The following COMMD10 variants were observed in gnomAD, a reference collection of about 807,000 sequenced individuals.
COMMD10 encodes the protein COMM domain-containing protein 10.
COMMD10 carries 33 observed loss-of-function variants against 28.9 expected under a neutral mutation model. The observed-to-expected ratio is 1.14, with a 90% CI of 0.87 to 1.53. The LOEUF is 1.53. COMMD10 is among the 40% of genes most tolerant of loss of function. The pLI is 0.00. For missense variants in COMMD10, 310 were observed against 233.4 expected (o/e 1.33, Z -2.14); for synonymous variants, 110 against 81.7 (o/e 1.35, Z -1.87).
chr5:116,244,578 TC>T (rs1749891172), intron 5 of COMMD10, among the ~76,000 whole-genome samples: 1 of 147,902 alleles, frequency 6.8e-6, no homozygotes, highest in Admixed American at 6.9e-5. Flanking sequence ...AGGAGAAGTT[TC>T]CCCGGCTGAA....
At chr5:116,166,520 G>C (rs952007375) in intron 5 of COMMD10, among the ~76,000 whole-genome samples, 2 of 152,186 alleles carry the variant, frequency 1.3e-5, no homozygotes, top group East Asian at 1.9e-4. Flanking sequence ...CCTCAAGTGG[G>C]TCCCCGGCCC....
intron 5 of COMMD10, among the ~76,000 whole-genome samples, chr5:116,243,650 A>C (rs1318181759): frequency 6.6e-6 from 1 of 152,156 alleles, no homozygotes; most frequent in East Asian, 1.9e-4. Flanking sequence ...TAAATTTATT[A>C]ACAAGATATC....
At chr5:116,263,863 AC>A (rs969965857) in intron 5 of COMMD10, among the ~76,000 whole-genome samples, 14 of 151,588 alleles carry the variant, frequency 9.2e-5, no homozygotes, top group African/African-American at 3.4e-4. Context: ...ACCAAAATGT[AC>A]CCCGACCACC....
chr5:116,128,431 A>T (rs1751734424), intron 4 of COMMD10, among the ~76,000 whole-genome samples: 1 of 152,076 alleles, frequency 6.6e-6, no homozygotes, highest in African/African-American at 2.4e-5. Flanking sequence ...CCTCAGATTT[A>T]AATTTGAATA....
intron 4 of COMMD10, among the ~76,000 whole-genome samples, chr5:116,117,878 C>T (rs561888870): frequency 5.4e-4 from 82 of 152,250 alleles, no homozygotes; most frequent in African/African-American, 1.9e-3. Context: ...TATTTCCCAA[C>T]CATTACTAGA....
At chr5:116,255,502 A>G (rs969188085) in intron 5 of COMMD10, among the ~76,000 whole-genome samples, 2 of 151,586 alleles carry the variant, frequency 1.3e-5, no homozygotes, top group Non-Finnish European at 2.9e-5. Context: ...TGGTGGTGAC[A>G]AAATCTCTCA....
chr5:116,116,835 C>T (rs1473848924), intron 4 of COMMD10, among the ~76,000 whole-genome samples: 1 of 152,068 alleles, frequency 6.6e-6, no homozygotes, highest in Admixed American at 6.6e-5. Context: ...TCTCCTGCCT[C>T]AGCCTCCCAA....
chr5:116,199,047 G>C (rs1483513912), intron 5 of COMMD10, among the ~76,000 whole-genome samples: 2 of 152,222 alleles, frequency 1.3e-5, no homozygotes, highest in African/African-American at 2.4e-5. Context: ...GTCTTTCATG[G>C]TGGTTGTATC....
At chr5:116,228,382 A>G (rs1313434128) in intron 5 of COMMD10, among the ~76,000 whole-genome samples, 3 of 151,944 alleles carry the variant, frequency 2.0e-5, no homozygotes, top group Non-Finnish European at 4.4e-5. Flanking sequence ...CACATTGTTG[A>G]TTTTGCCCAA....
chr5:116,151,730 A>G (rs943352317), intron 5 of COMMD10, among the ~76,000 whole-genome samples: 3 of 151,898 alleles, frequency 2.0e-5, no homozygotes, highest in Admixed American at 6.6e-5. Flanking sequence ...TGTTGTGTCT[A>G]TTTGATTCTT....
intron 5 of COMMD10, among the ~76,000 whole-genome samples, chr5:116,198,265 C>T (rs931600305): frequency 6.6e-6 from 1 of 152,026 alleles, no homozygotes; most frequent in African/African-American, 2.4e-5. Flanking sequence ...TTGACTTTGC[C>T]TAATACTATA....
intron 4 of COMMD10, among the ~76,000 whole-genome samples, chr5:116,099,482 A>G (rs984339691): frequency 3.3e-5 from 5 of 152,032 alleles, no homozygotes; most frequent in African/African-American, 4.8e-5. Context: ...GTTGGATTGT[A>G]TGATAGTTTT....
At chr5:116,116,785 C>A (rs776577425) in intron 4 of COMMD10, among the ~76,000 whole-genome samples, 8 of 148,726 alleles carry the variant, frequency 5.4e-5, no homozygotes, top group African/African-American at 7.5e-5. Context: ...GTGGCGCAAT[C>A]TCGGCTCACT....
rs114251019 is a variant in COMMD10 at position 116,243,413 on chromosome 5, T to G, written c.511-48104T>G. ...AAAATATCACCCCAGAAGTGAAAAT[T>G]TACATGTTTTAATTTCTGAAATAAT... is the stretch of plus-strand genomic sequence containing the variant. On this transcript the variant is annotated intron_variant, in intron 5 of 6. Transcript: ENST00000274458. Among the ~76,000 whole-genome samples, 481 of 152,264 alleles carry G rather than the reference T, an allele frequency of 3.2e-3. 1 individual carries two copies. Among genetic ancestry groups the G allele is most frequent in the East Asian group, 0.015 (76 of 5,176 alleles).
At chr5:116,167,466 CA>C (rs774160671) in intron 5 of COMMD10, among the ~76,000 whole-genome samples, 1 of 152,042 alleles carries the variant, frequency 6.6e-6, no homozygotes, top group Non-Finnish European at 1.5e-5. Flanking sequence ...CAAGACAGGA[CA>C]ACATTCAAAT....
chr5:116,115,243 C>T (rs867206112), intron 4 of COMMD10, among the ~76,000 whole-genome samples: 5 of 152,074 alleles, frequency 3.3e-5, no homozygotes, highest in South Asian at 2.1e-4. Flanking sequence ...AGATACACTC[C>T]CATGGCCTGG....
chr5:116,289,547 G>A (rs1355169917), intron 5 of COMMD10, among the ~76,000 whole-genome samples: 2 of 151,830 alleles, frequency 1.3e-5, no homozygotes, highest in African/African-American at 4.9e-5. Flanking sequence ...CTGGTGCTGG[G>A]CGTGTGAGTG....
intron 4 of COMMD10, among the ~76,000 whole-genome samples, chr5:116,120,154 A>T (rs1003973913): frequency 1.3e-5 from 2 of 152,268 alleles, no homozygotes; most frequent in South Asian, 4.1e-4. Flanking sequence ...TATATACACT[A>T]TGGAGTACTA....
Position 116,225,231 on chromosome 5 carries a change from A to G in COMMD10, c.511-66286A>G, listed in dbSNP as rs147914894. Among the ~76,000 whole-genome samples the G allele has an allele frequency of 5.0e-3, 767 of 152,006 alleles. 21 individuals carry two copies. The highest frequency in any genetic ancestry group is 0.041 in the Admixed American group (627 of 15,258). On this transcript the variant is annotated intron_variant, in intron 5 of 6. Transcript: ENST00000274458. Reference sequence around the variant, plus strand: ...TCTTCAGTTCTTTGAATATATTTATAATAGCTTTTTTGAATTACTTTACTT... The same window carrying G: ...TCTTCAGTTCTTTGAATATATTTATGATAGCTTTTTTGAATTACTTTACTT...
Sources: allele counts gnomAD v4.1 joint callset (sites outside exome capture counted in the v4.1 genomes callset), GRCh38; gene constraint gnomAD v4.1.1; transcripts MANE v1.5; gene names NCBI Gene and HGNC (gene_info 2026-07-23, HGNC 2026-07-21).